Variants in TTC23 observed in about 807,000 individuals in gnomAD.
The protein encoded by TTC23 is tetratricopeptide repeat protein 23.
TTC23 carries 58 observed loss-of-function variants against 55.1 expected under a neutral mutation model. The observed-to-expected ratio is 1.05, with a 90% CI of 0.85 to 1.31. The LOEUF (loss-of-function observed/expected upper bound fraction) is 1.31, where lower values mean the gene tolerates loss of function less well. TTC23 is among the 50% of genes most tolerant of loss of function. TTC23 has a pLI of 0.00. For synonymous variants in TTC23, 203 were observed against 199.9 expected (o/e 1.02, Z -0.13); for missense variants, 516 against 534.4 (o/e 0.97, Z 0.34).
chr15:99,210,003 G>A (rs533698412), intron 8 of TTC23, among the ~76,000 whole-genome samples: 1 of 152,258 alleles, frequency 6.6e-6, no homozygotes, highest in South Asian at 2.1e-4. Flanking sequence ...TGGTCCGCCT[G>A]CTTCGGCCTC....
chr15:99,182,073 T>C (rs918747635), intron 9 of TTC23, among the ~76,000 whole-genome samples: 2 of 152,176 alleles, frequency 1.3e-5, no homozygotes, highest in African/African-American at 4.8e-5. Context: ...ATAAGAGTAT[T>C]ACCTGCATAG....
intron 13 of TTC23, among the ~76,000 whole-genome samples, 198 bp from the exon 14 acceptor site, chr15:99,138,325 T>G (rs553856060): frequency 6.6e-6 from 1 of 152,162 alleles, no homozygotes; most frequent in East Asian, 1.9e-4. Flanking sequence ...TTTAATTTTT[T>G]TTTTTTCAGA....
At chr15:99,195,989 A>T (rs1432953684) in intron 9 of TTC23, among the ~76,000 whole-genome samples, 1 of 152,008 alleles carries the variant, frequency 6.6e-6, no homozygotes, top group Non-Finnish European at 1.5e-5. Context: ...CCCTGTCTCT[A>T]CTAAAAATAC....
chr15:99,203,814 C>T (rs2076393942), intron 8 of TTC23, among the ~76,000 whole-genome samples: 1 of 151,846 alleles, frequency 6.6e-6, no homozygotes, highest in East Asian at 1.9e-4. Context: ...CATTTTGCTG[C>T]AATTGACAGG....
At chr15:99,198,945 A>G (rs2075971170) in intron 9 of TTC23, among the ~76,000 whole-genome samples, 1 of 152,248 alleles carries the variant, frequency 6.6e-6, no homozygotes, top group South Asian at 2.1e-4. Context: ...TTGGCATGAT[A>G]CAATATAAAG....
At chr15:99,246,591 G>A (rs2080260126) in intron 1 of TTC23, among the ~76,000 whole-genome samples, 1 of 151,250 alleles carries the variant, frequency 6.6e-6, no homozygotes, top group Non-Finnish European at 1.5e-5. Flanking sequence ...CTCCAGCCCG[G>A]GTGACAGAGT....
intron 9 of TTC23, among the ~76,000 whole-genome samples, chr15:99,187,075 CTAAT>C (rs1424517158): frequency 1.3e-5 from 2 of 151,914 alleles, no homozygotes; most frequent in African/African-American, 2.4e-5. Flanking sequence ...CAAAACAACA[CTAAT>C]TAAGACAATG....
chr15:99,175,880 A>T (rs1213720141), intron 9 of TTC23, among the ~76,000 whole-genome samples: 1 of 152,186 alleles, frequency 6.6e-6, no homozygotes, highest in Non-Finnish European at 1.5e-5. Flanking sequence ...CTATAGTCCC[A>T]GCTATTTGGA....
rs2078678010 is a variant in TTC23, at chr15:99,228,733, C to T, written c.-20-1G>A. ...TGCATATTTTTATATACATTGTCTT[C>T]TAATTTTAAAATAAAAAACAAAGAT... On this transcript the variant is annotated splice_acceptor_variant, in intron 4 of 13. Transcript: ENST00000394132. LOFTEE classifies it low-confidence loss of function (5UTR_SPLICE). The T allele has an allele frequency of 2.6e-6, 4 of 1,536,174 alleles. No homozygotes were observed. In the Admixed American group the frequency reaches 8.6e-5, roughly 33 times the overall value.
At chr15:99,202,790 T>C (rs1246106712) in intron 8 of TTC23, among the ~76,000 whole-genome samples, 2 of 152,170 alleles carry the variant, frequency 1.3e-5, no homozygotes, top group Non-Finnish European at 2.9e-5. Context: ...TAAGCAGCAG[T>C]AGAAAACCCA....
At chr15:99,146,800 G>A (rs1273847401) in intron 12 of TTC23, among the ~76,000 whole-genome samples, 4 of 152,240 alleles carry the variant, frequency 2.6e-5, no homozygotes, top group East Asian at 3.8e-4. Flanking sequence ...AGCTGGGCGG[G>A]CCCAACCTCA....
chr15:99,198,329 G>C (rs2151987579), intron 9 of TTC23, among the ~76,000 whole-genome samples: 1 of 152,242 alleles, frequency 6.6e-6, no homozygotes, highest in Non-Finnish European at 1.5e-5. Flanking sequence ...GTCCAGGCCA[G>C]AAACCTGGGA....
In TTC23 at chr15:99,137,863, G is replaced by A. The variant is rs1054464610; in HGVS notation, c.*147C>T. ...AAATGTGGCCCACGGGAGGCTTATG[G>A]TCTCACTGTTGCATGTTGGGGCCAA... On this transcript the variant is annotated 3_prime_UTR_variant, in exon 14 of 14. Transcript: ENST00000394132. 2 of 1,307,170 alleles carry A rather than the reference G, an allele frequency of 1.5e-6. No homozygotes were observed. Among genetic ancestry groups the A allele is most frequent in the African/African-American group, 1.5e-5 (1 of 67,966 alleles). The allele number at this position is 1,307,170 out of a possible 1,614,324, so 81.0% of individuals were successfully genotyped here.
chr15:99,245,820 CTTT>C (rs57795170), intron 1 of TTC23, among the ~76,000 whole-genome samples: 1 of 141,042 alleles, frequency 7.1e-6, no homozygotes, highest in African/African-American at 2.6e-5. Flanking sequence ...TCTTCATGAA[CTTT>C]TTTTTTTTTT....
At chr15:99,209,975 C>T (rs940214949) in intron 8 of TTC23, among the ~76,000 whole-genome samples, 2 of 152,090 alleles carry the variant, frequency 1.3e-5, no homozygotes, top group Non-Finnish European at 2.9e-5. Context: ...CAAGCTGTCT[C>T]GAACTCCTGG....
At chr15:99,198,535 G>A (rs4965218) in intron 9 of TTC23, among the ~76,000 whole-genome samples, 9,243 of 152,154 alleles carry the variant, frequency 0.061, 321 homozygotes, top group Admixed American at 0.11. Context: ...TCTATGGTTG[G>A]CACAACCTCC....
At position 99,183,325 on chromosome 15, in the gene TTC23, C is replaced by CTT. The variant is rs1256593678; in HGVS notation, c.760-8172_760-8171dup. On this transcript the variant is annotated intron_variant, in intron 9 of 13. Coordinates refer to ENST00000394132, the MANE Select transcript of TTC23 (RefSeq NM_001288615.3). ...CTGGTGGAAGAAATTTCTTTCTTTT[C>CTT]TTTTTTTTTTTTTTGAGACAGAGTC... is the stretch of plus-strand genomic sequence containing the variant. 1.4e-3 allele frequency among the ~76,000 whole-genome samples: 190 copies of CTT among 140,188 alleles called. 1 individual carries two copies. Among genetic ancestry groups the CTT allele is most frequent in the Non-Finnish European group, 2.3e-3 (148 of 63,882 alleles). 92.0% of individuals were successfully genotyped at this position (140,188 alleles called of 152,430 possible). A position where few individuals can be genotyped will look rare whatever the true frequency, so the allele number is the denominator to read the frequency against.
intron 10 of TTC23, among the ~76,000 whole-genome samples, chr15:99,168,409 T>C (rs144971016): frequency 6.6e-6 from 1 of 152,170 alleles, no homozygotes. Context: ...GGGGCCACCA[T>C]GTAGTGAAGG....
At chr15:99,250,103 G>C (rs954058305), upstream of TTC23, among the ~76,000 whole-genome samples, 3 of 151,982 alleles carry the variant, frequency 2.0e-5, no homozygotes, top group Non-Finnish European at 4.4e-5. Context: ...TATATTAGCA[G>C]CAAGTCTTAT....
Sources: allele counts gnomAD v4.1 joint callset (sites outside exome capture counted in the v4.1 genomes callset), GRCh38; gene constraint gnomAD v4.1.1; transcripts MANE v1.5; gene names NCBI Gene and HGNC (gene_info 2026-07-23, HGNC 2026-07-21).